Variants in ANKRD33B observed in about 807,000 individuals in gnomAD.
ANKRD33B encodes ankyrin repeat domain 33B.
A neutral mutation model predicts 21.5 loss-of-function variants in ANKRD33B; 6 were observed. The ratio of observed to expected loss-of-function variants is 0.28; its 90% CI spans 0.15 to 0.55. ANKRD33B has a LOEUF of 0.55. ANKRD33B is among the 20% of genes least tolerant of loss of function. The pLI is 0.94. For missense variants in ANKRD33B, 698 were observed against 747.2 expected (o/e 0.93, Z 0.77); for synonymous variants, 347 against 342.4 (o/e 1.01, Z -0.15).
chr5:10,605,861 TGC>T (rs1443064367), intron 1 of ANKRD33B, among the ~76,000 whole-genome samples: 2 of 152,234 alleles, frequency 1.3e-5, no homozygotes, highest in African/African-American at 4.8e-5. Context: ...CTTCTAGCCT[TGC>T]TAGTTCCTTT....
intron 1 of ANKRD33B, among the ~76,000 whole-genome samples, chr5:10,593,083 A>G (rs973390794): frequency 6.6e-6 from 1 of 151,998 alleles, no homozygotes; most frequent in Non-Finnish European, 1.5e-5. Flanking sequence ...CTAGCTTTCC[A>G]CTTACGAGAC....
rs143882620 is a variant in ANKRD33B at position 10,597,626 on chromosome 5, C to A, written c.367-20707C>A. On this transcript the variant is annotated intron_variant, in intron 1 of 3. Coordinates refer to ENST00000296657, the MANE Select transcript of ANKRD33B (RefSeq NM_001164440.2). ...TAACACCCCACTGACAATATTAGAT[C>A]ATCAAGACAGAAAATTAACAAATAT... Among the ~76,000 whole-genome samples the A allele has an allele frequency of 1.3e-5, 2 of 152,244 alleles. 1 individual carries two copies. The highest frequency in any genetic ancestry group is 2.9e-5 in the Non-Finnish European group (2 of 68,014).
At position 10,637,423 on chromosome 5, in the gene ANKRD33B, T is replaced by TAG. The variant is rs1553994750; in HGVS notation, c.497-603_497-602dup. Among the ~76,000 whole-genome samples the TAG allele has an allele frequency of 7.0e-3, 339 of 48,284 alleles. 2 individuals are homozygous for TAG. The highest frequency in any genetic ancestry group is 0.029 in the African/African-American group (315 of 10,878). The allele number at this position is 48,284 out of a possible 152,430, so 31.7% of individuals were successfully genotyped here. A position where few individuals can be genotyped will look rare whatever the true frequency, so the allele number is the denominator to read the frequency against. ...TGGGATGTGTGTGGGCGTAGGTAGT[T>TAG]AGACACACACACACACACACACACA... On this transcript the variant is annotated intron_variant, in intron 2 of 3. Coordinates refer to ENST00000296657, the MANE Select transcript of ANKRD33B (RefSeq NM_001164440.2).
intron 1 of ANKRD33B, among the ~76,000 whole-genome samples, chr5:10,606,714 C>T (rs1479899343): frequency 6.7e-6 from 1 of 150,270 alleles, no homozygotes; most frequent in Non-Finnish European, 1.5e-5. Flanking sequence ...AGCCTGGCGA[C>T]AGAGCAAGAC....
At chr5:10,641,353 C>T (rs961767479) in intron 3 of ANKRD33B, among the ~76,000 whole-genome samples, 4 of 151,534 alleles carry the variant, frequency 2.6e-5, no homozygotes, top group African/African-American at 4.9e-5. Context: ...CTCAGCCTCC[C>T]GAGTAGCTGG....
At chr5:10,577,093 C>T (rs1735339656) in intron 1 of ANKRD33B, among the ~76,000 whole-genome samples, 1 of 149,112 alleles carries the variant, frequency 6.7e-6, no homozygotes, top group African/African-American at 2.6e-5. Context: ...TTTCCCTTTC[C>T]CTTCCCCTTC....
At chr5:10,626,450 C>A (rs547433472) in intron 2 of ANKRD33B, among the ~76,000 whole-genome samples, 1 of 152,278 alleles carries the variant, frequency 6.6e-6, no homozygotes, top group Admixed American at 6.5e-5. Context: ...TCAAATGAAC[C>A]AAAACTCTGG....
At chr5:10,617,386 A>T (rs368270753) in intron 1 of ANKRD33B, among the ~76,000 whole-genome samples, 1 of 152,106 alleles carries the variant, frequency 6.6e-6, no homozygotes, top group African/African-American at 2.4e-5. Flanking sequence ...TTTGATGGCA[A>T]CTGCATCCTC....
At chr5:10,630,357 G>C (rs922072284) in intron 2 of ANKRD33B, among the ~76,000 whole-genome samples, 1 of 152,204 alleles carries the variant, frequency 6.6e-6, no homozygotes, top group African/African-American at 2.4e-5. Flanking sequence ...TGGGGAGACA[G>C]CTGAGGCACA....
chr5:10,637,425 GACACACAC>G lies in ANKRD33B; in HGVS notation c.497-572_497-565del, dbSNP rs59222148. Among the ~76,000 whole-genome samples, 101 of 100,390 alleles carry G rather than the reference GACACACAC, an allele frequency of 1.0e-3. 2 individuals are homozygous for G. Among genetic ancestry groups the G allele is most frequent in the East Asian group, 7.7e-3 (27 of 3,492 alleles). 65.9% of individuals were successfully genotyped at this position (100,390 alleles called of 152,430 possible). A position where few individuals can be genotyped will look rare whatever the true frequency, so the allele number is the denominator to read the frequency against. On this transcript the variant is annotated intron_variant, in intron 2 of 3. Coordinates refer to ENST00000296657, the MANE Select transcript of ANKRD33B (RefSeq NM_001164440.2). ...GGATGTGTGTGGGCGTAGGTAGTTA[GACACACAC>G]ACACACACACACACACACACACACA...
chr5:10,583,381 G>A (rs1735486612), intron 1 of ANKRD33B, among the ~76,000 whole-genome samples: 1 of 152,194 alleles, frequency 6.6e-6, no homozygotes, highest in Non-Finnish European at 1.5e-5. Flanking sequence ...TTAAAAATAG[G>A]ATAGGTCTCA....
intron 2 of ANKRD33B, among the ~76,000 whole-genome samples, chr5:10,628,526 G>T (rs1292541372): frequency 2.6e-5 from 4 of 152,104 alleles, no homozygotes; most frequent in African/African-American, 7.2e-5. Context: ...TTGCCATGTT[G>T]CCCAGGCTTG....
At chr5:10,564,942 CACT>C (rs1735014693) in intron 1 of ANKRD33B, 109 bp downstream of exon 1, 2 of 1,366,974 alleles carry the variant, frequency 1.5e-6, no homozygotes, top group East Asian at 5.1e-5. Context: ...GTCCCTCGGT[CACT>C]CAGCCGCCGC....
At chr5:10,638,312 C>T (rs1423699560) in intron 3 of ANKRD33B, 144 bp downstream of exon 3, 1 of 1,136,132 alleles carries the variant, frequency 8.8e-7, no homozygotes, top group East Asian at 2.6e-5. Context: ...CTGACATATA[C>T]TTCTGTAACT....
rs34848427 is a variant in ANKRD33B, at chr5:10,640,053, T to C, written c.637+1885T>C. On this transcript the variant is annotated intron_variant, in intron 3 of 3. Transcript: ENST00000296657. Reference sequence around the variant, plus strand: ...TAGCGGGTGACGTGGAGTTGCACGGTGATGTTAGGCGGTGACGTGGAGTTG... The same window carrying C: ...TAGCGGGTGACGTGGAGTTGCACGGCGATGTTAGGCGGTGACGTGGAGTTG... Among the ~76,000 whole-genome samples the C allele has an allele frequency of 4.3e-3, 319 of 74,974 alleles. 18 individuals carry two copies. Among genetic ancestry groups the C allele is most frequent in the East Asian group, 8.4e-3 (20 of 2,388 alleles). 49.2% of individuals were successfully genotyped at this position (74,974 alleles called of 152,430 possible).
At chr5:10,573,871 A>G (rs1438429293) in intron 1 of ANKRD33B, among the ~76,000 whole-genome samples, 1 of 152,216 alleles carries the variant, frequency 6.6e-6, no homozygotes, top group Non-Finnish European at 1.5e-5. Context: ...GTGGGGACAC[A>G]GGGAAACCAT....
intron 3 of ANKRD33B, among the ~76,000 whole-genome samples, chr5:10,648,254 A>G (rs1737235790): frequency 6.6e-6 from 1 of 152,242 alleles, no homozygotes; most frequent in African/African-American, 2.4e-5. Context: ...CCGCAGTGGG[A>G]GAAGCGAAGG....
At chr5:10,569,366 G>A (rs1227676647) in intron 1 of ANKRD33B, among the ~76,000 whole-genome samples, 1 of 152,134 alleles carries the variant, frequency 6.6e-6, no homozygotes, top group Non-Finnish European at 1.5e-5. Context: ...GGAGGCCGAG[G>A]CAGGCAGATC....
At position 10,639,947 on chromosome 5, in the gene ANKRD33B, T is replaced by C. The variant is rs191681963; in HGVS notation, c.637+1779T>C. 7.1e-4 allele frequency among the ~76,000 whole-genome samples: 28 copies of C among 39,284 alleles called. 2 individuals are homozygous for C. The highest frequency in any genetic ancestry group is 5.5e-3 in the South Asian group (4 of 722). 25.8% of individuals were successfully genotyped at this position (39,284 alleles called of 152,430 possible). ...TGCGCGGCGATGTTAGGCGGTGACG[T>C]GGAGTTGCGCGGTGATGTTAGCGGG... On this transcript the variant is annotated intron_variant, in intron 3 of 3. Coordinates refer to ENST00000296657, the MANE Select transcript of ANKRD33B (RefSeq NM_001164440.2).
Sources: allele counts gnomAD v4.1 joint callset (sites outside exome capture counted in the v4.1 genomes callset), GRCh38; gene constraint gnomAD v4.1.1; transcripts MANE v1.5; gene names NCBI Gene and HGNC (gene_info 2026-07-23, HGNC 2026-07-21).